Variants in KLHL40 observed in about 807,000 individuals in gnomAD.
KLHL40 encodes the protein kelch-like protein 40.
KLHL40 carries 44 observed loss-of-function variants against 49.7 expected under a neutral mutation model. The ratio of observed to expected loss-of-function variants is 0.89; its 90% CI spans 0.70 to 1.14. KLHL40 has a LOEUF of 1.14. Among genes scored for constraint, KLHL40 ranks in the 50% most tolerant of loss-of-function variants. KLHL40 has a pLI of 0.00. For missense variants in KLHL40, 892 were observed against 850.3 expected, an observed-to-expected ratio of 1.05 and a Z score of -0.61; for synonymous variants, 409 against 365.2, an observed-to-expected ratio of 1.12 and a Z score of -1.37.
chr3:42,691,718 G>T (rs1002711823), intron 5 of KLHL40, among the ~76,000 whole-genome samples, 164 bp from the exon 6 acceptor site: 7 of 151,908 alleles, frequency 4.6e-5, no homozygotes, highest in African/African-American at 1.2e-4. Flanking sequence ...GTTCCTTGGG[G>T]TGGGTCTTGT....
In KLHL40 at chr3:42,688,111, G is replaced by T; in HGVS notation, c.1153-31G>T. On this transcript the variant is annotated intron_variant, in intron 1 of 5. Coordinates refer to ENST00000287777, the MANE Select transcript of KLHL40 (RefSeq NM_152393.4). This position sits in a 1 kb window ranked among gnomAD's most constrained non-coding sequence, Gnocchi z 4.2. The stretch of plus-strand genomic sequence containing the variant: ...CTGGGCTGAGGCTGGGGGAGTGGGG[G>T]GCGGTAGCTGACTGGACACCTGGCC... 7 of 1,613,280 alleles carry T rather than the reference G, an allele frequency of 4.3e-6. No homozygotes were observed. The highest frequency in any genetic ancestry group is 5.9e-6 in the Non-Finnish European group (7 of 1,179,788).
chr3:42,689,265 G>T (rs1467847771), intron 4 of KLHL40, among the ~76,000 whole-genome samples: 1 of 152,170 alleles, frequency 6.6e-6, no homozygotes, highest in African/African-American at 2.4e-5. Context: ...TCCCAGGGCT[G>T]GGGGAGGGGA....
In KLHL40 at chr3:42,686,731, AGACAACAAAGAG is replaced by A; in HGVS notation, c.1117_1128del (p.Asn373_Asp376del). The A allele has an allele frequency of 6.2e-7, 1 of 1,612,946 alleles. No homozygotes were observed. The highest frequency in any genetic ancestry group is 8.5e-7 in the Non-Finnish European group (1 of 1,179,848). On this transcript the variant is annotated inframe_deletion, in exon 1 of 6. Transcript: ENST00000287777. ...TGGCTGGAGGCCTCTTCTACAACGA[AGACAACAAAGAG>A]GACCCCATGAGCGCATACTTCCTGC...
intron 1 of KLHL40, among the ~76,000 whole-genome samples, 174 bp downstream of exon 1, chr3:42,686,944 A>C (rs905592141): frequency 1.3e-5 from 2 of 152,258 alleles, no homozygotes; most frequent in Non-Finnish European, 2.9e-5. Context: ...AAGACAGTCA[A>C]TAGGCAGCTG....
rs1281609880 is a variant in KLHL40, at chr3:42,689,035, T to G, written c.1588T>G (p.Tyr530Asp). The G allele has an allele frequency of 6.2e-7, 1 of 1,613,282 alleles. No individual in the cohort carries two copies. Among genetic ancestry groups the G allele is most frequent in the South Asian group, 1.1e-5 (1 of 91,024 alleles). Residue 530 changes from tyrosine to aspartate, a missense_variant, in exon 4 of 6, where the codon TAC becomes GAC. Coordinates refer to ENST00000287777, the MANE Select transcript of KLHL40 (RefSeq NM_152393.4). ...DTGLTSSAEV[Y>D]SITDNKWAPF... The stretch of plus-strand genomic sequence containing the variant: ...AGGGCTGACCAGTTCTGCCGAAGTG[T>G]ACAGCATCACAGACAACAAGTATGA...
Position 42,686,203 on chromosome 3 carries a change from C to T in KLHL40, c.585C>T (p.Phe195=). 6.4e-7 allele frequency: 1 copy of T among 1,571,090 alleles called. No individual in the cohort carries two copies. Among genetic ancestry groups the T allele is most frequent in the Non-Finnish European group, 8.6e-7 (1 of 1,162,094 alleles). The change falls in exon 1 of 6, where the codon TTC becomes TTT. Residue 195 remains phenylalanine (F), a synonymous_variant. Transcript: ENST00000287777. ...ACGTGGAGAAGGAGGAGGCAGTGTT[C>T]GAGGCGGTGATGCGGTGGGCGGGTA... is the stretch of plus-strand genomic sequence containing the variant. ...GLNVEKEEAV[F]EAVMRWAGSG...
At position 42,692,129 on chromosome 3, in the gene KLHL40, G is replaced by C; in HGVS notation, c.*136G>C. On this transcript the variant is annotated 3_prime_UTR_variant, in exon 6 of 6. Transcript: ENST00000287777. Reference sequence around the variant, plus strand: ...CCAGTTATGGTGCCTCAGGGGCTGCGTCAGCCAAGGAAAGGGAAGTGCTGC... The same window carrying C: ...CCAGTTATGGTGCCTCAGGGGCTGCCTCAGCCAAGGAAAGGGAAGTGCTGC... 1 of 637,974 alleles carries C rather than the reference G, an allele frequency of 1.6e-6. No homozygotes were observed. Among genetic ancestry groups the C allele is most frequent in the South Asian group, 1.8e-5 (1 of 54,224 alleles). The allele number at this position is 637,974 out of a possible 1,614,324, so 39.5% of individuals were successfully genotyped here. A position where few individuals can be genotyped will look rare whatever the true frequency, so the allele number is the denominator to read the frequency against.
intron 4 of KLHL40, 92 bp from the exon 5 acceptor site, chr3:42,690,767 G>T: frequency 7.2e-7 from 1 of 1,388,062 alleles, no homozygotes. Flanking sequence ...GATTGCAAAG[G>T]GTTGCAGTTG....
chr3:42,685,828 C>A lies in KLHL40; in HGVS notation c.210C>A (p.Gly70=), dbSNP rs1400339002. Residue 70 remains glycine (G), a synonymous_variant, in exon 1 of 6, where the codon GGC becomes GGA. Transcript: ENST00000287777. ...TTCTAGCCGAGCCGGAGCGCGCGGG[C>A]GAGCTGCACCTGGAGGAGGTGTCCC... The part of the protein sequence containing the change: ...ARFLAEPERA[G]ELHLEEVSPD... 1 of 1,613,054 alleles carries A rather than the reference C, an allele frequency of 6.2e-7. No homozygotes were observed. Among genetic ancestry groups the A allele is most frequent in the South Asian group, 1.1e-5 (1 of 91,068 alleles).
At chr3:42,686,814 A>C in intron 1 of KLHL40, 44 bp downstream of exon 1, 1 of 1,529,714 alleles carries the variant, frequency 6.5e-7, no homozygotes, top group Non-Finnish European at 8.8e-7. Context: ...GCTGGGCTCT[A>C]GGCACTGTGG....
Position 42,686,245 on chromosome 3 carries a change from G to C in KLHL40, c.627G>C (p.Ala209=). Residue 209 remains alanine, a synonymous_variant, in exon 1 of 6, where the codon GCG becomes GCC. Transcript: ENST00000287777. ...GGGCGGGTAGCGGCGACGCCGAGGCGCAGGCTGAGCGCCAGCGCGCGCTGC... is the reference window on the plus strand; with the variant it reads ...GGGCGGGTAGCGGCGACGCCGAGGCCCAGGCTGAGCGCCAGCGCGCGCTGC... ...MRWAGSGDAE[A]QAERQRALPT... The C allele has an allele frequency of 6.4e-7, 1 of 1,553,380 alleles. No homozygotes were observed. Among genetic ancestry groups the C allele is most frequent in the African/African-American group, 1.4e-5 (1 of 73,626 alleles).
chr3:42,689,578 G>A (rs547636503), intron 4 of KLHL40, among the ~76,000 whole-genome samples: 1 of 151,954 alleles, frequency 6.6e-6, no homozygotes, highest in Non-Finnish European at 1.5e-5. Context: ...GGGCTGGAGC[G>A]GGGGCCAGCA....
chr3:42,688,473 G>T lies in KLHL40; in HGVS notation c.1314-137G>T. The T allele has an allele frequency of 1.0e-6, 1 of 956,930 alleles. No individual in the cohort carries two copies. The highest frequency in any genetic ancestry group is 1.5e-5 in the South Asian group (1 of 67,306). The allele number at this position is 956,930 out of a possible 1,614,324, so 59.3% of individuals were successfully genotyped here. A position where few individuals can be genotyped will look rare whatever the true frequency, so the allele number is the denominator to read the frequency against. Reference sequence around the variant, plus strand: ...GGGCAGGGTGGGATCAAAGAACTGAGAGGCCTCGGAAGTTCCAGCAATGGA... The same window carrying T: ...GGGCAGGGTGGGATCAAAGAACTGATAGGCCTCGGAAGTTCCAGCAATGGA... On this transcript the variant is annotated intron_variant, in intron 2 of 5. Transcript: ENST00000287777. This position sits in a 1 kb window ranked among gnomAD's most constrained non-coding sequence, Gnocchi z 4.2.
At position 42,685,971 on chromosome 3, in the gene KLHL40, C is replaced by T. The variant is rs2125844609; in HGVS notation, c.353C>T (p.Thr118Ile). The T allele has an allele frequency of 1.2e-6, 2 of 1,611,984 alleles. No homozygotes were observed. Among genetic ancestry groups the T allele is most frequent in the Non-Finnish European group, 1.7e-6 (2 of 1,179,994 alleles). The change falls in exon 1 of 6, where the codon ACC becomes ATC. Residue 118 changes from threonine (T) to isoleucine (I), a missense_variant. Transcript: ENST00000287777. ...AHRFQIPSIF[T>I]ICVSFLQKRL... Reference sequence around the variant, plus strand: ...CGCTTCCAGATCCCTTCCATCTTCACCATCTGCGTGTCCTTCCTGCAGAAG... The same window carrying T: ...CGCTTCCAGATCCCTTCCATCTTCATCATCTGCGTGTCCTTCCTGCAGAAG...
chr3:42,691,938 C>T lies in KLHL40; in HGVS notation c.1811C>T (p.Ala604Val), dbSNP rs1488986709. The T allele has an allele frequency of 6.2e-7, 1 of 1,613,704 alleles. No homozygotes were observed. The highest frequency in any genetic ancestry group is 8.5e-7 in the Non-Finnish European group (1 of 1,179,720). Residue 604 changes from alanine to valine, a missense_variant, in exon 6 of 6, where the codon GCA (alanine) becomes GTA (valine). By Grantham distance (64) the Ala-to-Val change is moderately conservative. Transcript: ENST00000287777. The part of the protein sequence containing the change: ...EGVLREIAYA[A>V]GATFLPVRLN... ...GTCCTGCGGGAGATCGCCTATGCAG[C>T]AGGTGCCACCTTCCTACCAGTGCGG...
chr3:42,690,730 GT>G, intron 4 of KLHL40, 128 bp from the exon 5 acceptor site: 1 of 904,828 alleles, frequency 1.1e-6, no homozygotes, highest in Non-Finnish European at 1.7e-6. Context: ...GGGGAATGGG[GT>G]TGGGGGCATG....
chr3:42,690,672 G>A (rs1697348913), intron 4 of KLHL40, among the ~76,000 whole-genome samples, 187 bp from the exon 5 acceptor site: 1 of 152,086 alleles, frequency 6.6e-6, no homozygotes, highest in African/African-American at 2.4e-5. Context: ...AAGGAAAGTG[G>A]AGGAGCAAGA....
chr3:42,687,845 C>CT (rs770056624), intron 1 of KLHL40, among the ~76,000 whole-genome samples: 67 of 152,130 alleles, frequency 4.4e-4, no homozygotes, highest in Middle Eastern at 3.4e-3. Flanking sequence ...GTTGTTCAGC[C>CT]TGGGAAAGCA....
At chr3:42,691,486 C>A (rs939203470) in intron 5 of KLHL40, among the ~76,000 whole-genome samples, 5 of 151,990 alleles carry the variant, frequency 3.3e-5, no homozygotes, top group African/African-American at 1.2e-4. Flanking sequence ...AACCTGCAGC[C>A]ATCTGCACTG....
Sources: gnomAD v4.1 joint callset for allele counts (sites outside exome capture counted in the v4.1 genomes callset) on GRCh38, gnomAD v4.1.1 for gene constraint, Gnocchi (gnomAD v3.1) non-coding constraint, MANE v1.5 for transcripts, NCBI Gene and HGNC (gene_info 2026-07-23, HGNC 2026-07-21) for gene names.